Variants in IPP observed in about 807,000 individuals in gnomAD.
The protein encoded by IPP is intracisternal A particle-promoted polypeptide.
A neutral mutation model predicts 64.1 loss-of-function variants in IPP; 41 were observed. That is an observed-to-expected ratio of 0.64 (90% CI 0.50 to 0.83). The LOEUF is 0.83. Ranked by LOEUF, IPP falls within the 40% of genes least tolerant of loss-of-function variation. IPP has a pLI of 0.00. For synonymous variants in IPP, 214 were observed against 235.2 expected, an observed-to-expected ratio of 0.91 and a Z score of 0.83; for missense variants, 649 against 703.0, an observed-to-expected ratio of 0.92 and a Z score of 0.87.
intron 3 of IPP, among the ~76,000 whole-genome samples, chr1:45,738,317 T>A (rs1485658890): frequency 1.3e-5 from 2 of 152,160 alleles, no homozygotes; most frequent in African/African-American, 4.8e-5. Context: ...TGTCATTTTT[T>A]TTTTTGCATT....
rs762267700 is a variant in IPP, at chr1:45,719,268, G to A, written c.1121C>T (p.Ala374Val). 1.7e-5 allele frequency: 28 copies of A among 1,613,336 alleles called. No individual in the cohort carries two copies. Among genetic ancestry groups the A allele is most frequent in the Non-Finnish European group, 2.3e-5 (27 of 1,179,494 alleles). Reference protein sequence around the residue: ...DPVTKQWTTVASMNHPRCGLG... With the variant: ...DPVTKQWTTVVSMNHPRCGLG... The stretch of plus-strand genomic sequence containing the variant: ...GCCGCAGCGGGGATGATTCATCGAA[G>A]CTACAGTTGTCCACTGTTTAGTAAC... Residue 374 changes from alanine to valine, a missense_variant, in exon 6 of 9, where the codon GCT becomes GTT. Transcript: ENST00000396478.
downstream of IPP, chr1:45,697,250 TTTTG>T (rs1645395025): frequency 6.6e-6 from 1 of 152,096 alleles, no homozygotes; most frequent in African/African-American, 2.4e-5. Context: ...ACCAAATATT[TTTTG>T]TTTTATTTTT....
At chr1:45,724,875 C>G (rs1242296646) in intron 5 of IPP, among the ~76,000 whole-genome samples, 1 of 149,736 alleles carries the variant, frequency 6.7e-6, no homozygotes, top group Non-Finnish European at 1.5e-5. Context: ...GCCACCCCGT[C>G]GGGGAGGGAG....
At chr1:45,732,773 T>A (rs570151280) in intron 3 of IPP, among the ~76,000 whole-genome samples, 6 of 152,146 alleles carry the variant, frequency 3.9e-5, no homozygotes, top group African/African-American at 1.4e-4. Flanking sequence ...TTCACACCAT[T>A]CTCCTGCCTC....
chr1:45,733,176 C>T (rs1412505643), intron 3 of IPP, among the ~76,000 whole-genome samples: 1 of 151,618 alleles, frequency 6.6e-6, no homozygotes, highest in African/African-American at 2.4e-5. Flanking sequence ...CCTGTAATCC[C>T]AGCACTTTGG....
chr1:45,746,185 T>A lies in IPP; in HGVS notation c.227A>T (p.Asp76Val), dbSNP rs1379248348. Residue 76 changes from aspartate (D) to valine (V), a missense_variant, in exon 2 of 9, where the codon GAT becomes GTT. Coordinates refer to ENST00000396478, the MANE Select transcript of IPP (RefSeq NM_005897.3). The part of the protein sequence containing the change: ...FTGGMKESSK[D>V]VVPILGIEAG... ...TTCAATTCCTAGAATCGGTACAACA[T>A]CTTTTGAGGACTCTTTCATTCCTCC... 4 of 1,614,148 alleles carry A rather than the reference T, an allele frequency of 2.5e-6. No individual in the cohort carries two copies. The South Asian group carries it at 4.4e-5, about 18-fold the overall frequency.
chr1:45,749,680 C>T (rs1013937294), intron 1 of IPP, among the ~76,000 whole-genome samples: 2 of 151,438 alleles, frequency 1.3e-5, no homozygotes, highest in Non-Finnish European at 2.9e-5. Context: ...GCCACCACGC[C>T]CGGCTAATTT....
At chr1:45,743,244 T>TC (rs1486659110) in intron 2 of IPP, among the ~76,000 whole-genome samples, 1 of 151,604 alleles carries the variant, frequency 6.6e-6, no homozygotes, top group African/African-American at 2.4e-5. Context: ...ATCTTTTTTT[T>TC]TTTTTTTTTC....
intron 3 of IPP, among the ~76,000 whole-genome samples, chr1:45,736,688 G>A (rs1030371597): frequency 2.0e-5 from 3 of 151,862 alleles, no homozygotes; most frequent in Non-Finnish European, 2.9e-5. Flanking sequence ...AAAACACTTC[G>A]GGACTTGAAT....
At chr1:45,747,407 A>C (rs1646153430) in intron 1 of IPP, among the ~76,000 whole-genome samples, 1 of 152,174 alleles carries the variant, frequency 6.6e-6, no homozygotes, top group South Asian at 2.1e-4. Flanking sequence ...TTCCCCAAGG[A>C]TACAATGTTA....
At chr1:45,700,347 T>G (rs947731070) in intron 8 of IPP, among the ~76,000 whole-genome samples, 157 bp from the exon 9 acceptor site, 5 of 152,122 alleles carry the variant, frequency 3.3e-5, no homozygotes, top group Non-Finnish European at 7.3e-5. Context: ...TTTTTTGCTT[T>G]GTTTTTTCCT....
intron 2 of IPP, among the ~76,000 whole-genome samples, chr1:45,745,115 T>A (rs1052097728): frequency 9.2e-5 from 14 of 152,138 alleles, no homozygotes; most frequent in Non-Finnish European, 1.9e-4. Context: ...TCCTGCATAG[T>A]CTTGAGCTCC....
In IPP at chr1:45,736,802, G is replaced by A. The variant is rs548571035; in HGVS notation, c.724+4099C>T. Among the ~76,000 whole-genome samples the A allele has an allele frequency of 3.3e-4, 50 of 152,068 alleles. 1 individual carries two copies. Among genetic ancestry groups the A allele is most frequent in the African/African-American group, 1.2e-3 (48 of 41,510 alleles). On this transcript the variant is annotated intron_variant, in intron 3 of 8. Transcript: ENST00000396478. ...TGACTGTAATCCCAGCACTTTGGGA[G>A]GCCAAGGAGGGTGGATCAAGAGGTC...
At position 45,725,575 on chromosome 1, in the gene IPP, C is replaced by T. The variant is rs1258770562; in HGVS notation, c.1048+2056G>A. ...GAGCCCCTCTGCCCGGCCACGACCC[C>T]GTCTGGGAGGTGTGCCCAGCGGCTC... On this transcript the variant is annotated intron_variant, in intron 5 of 8. Transcript: ENST00000396478. 2.9e-5 allele frequency among the ~76,000 whole-genome samples: 4 copies of T among 137,822 alleles called. No individual in the cohort carries two copies. In the East Asian group the frequency reaches 7.1e-4, roughly 24 times the overall value. The allele number at this position is 137,822 out of a possible 152,430, so 90.4% of individuals were successfully genotyped here.
At chr1:45,729,495 A>G in intron 4 of IPP, 119 bp downstream of exon 4, 1 of 727,852 alleles carries the variant, frequency 1.4e-6, no homozygotes, top group Non-Finnish European at 2.3e-6. Flanking sequence ...GTGAAATTAA[A>G]TATGCCTCTT....
chr1:45,706,919 C>G (rs889348437), intron 8 of IPP, among the ~76,000 whole-genome samples: 1 of 152,040 alleles, frequency 6.6e-6, no homozygotes, highest in Non-Finnish European at 1.5e-5. Flanking sequence ...TGTGGAGAAG[C>G]CAGAAAAAAT....
intron 3 of IPP, among the ~76,000 whole-genome samples, chr1:45,731,630 A>G (rs1645906708): frequency 1.3e-5 from 2 of 152,152 alleles, no homozygotes; most frequent in African/African-American, 2.4e-5. Flanking sequence ...GAAAGAGCAT[A>G]TGCCTTATTA....
chr1:45,740,531 C>T (rs573428055), intron 3 of IPP, among the ~76,000 whole-genome samples: 77 of 152,092 alleles, frequency 5.1e-4, no homozygotes, highest in Middle Eastern at 3.4e-3. Context: ...CCAGACAGGG[C>T]GGCTGGCCGG....
At position 45,700,205 on chromosome 1, in the gene IPP, A is replaced by C. The variant is rs762738883; in HGVS notation, c.1531-15T>G. 1.9e-6 allele frequency: 3 copies of C among 1,592,100 alleles called. No homozygotes were observed. The highest frequency in any genetic ancestry group is 2.6e-6 in the Non-Finnish European group (3 of 1,171,276). ...ACCCACTTTTCCTGGTTAAGAGAGA[A>C]AAAAAAAATATGTTAGCAGTGTTAT... On this transcript the variant is annotated splice_polypyrimidine_tract_variant and intron_variant, in intron 8 of 8. Coordinates refer to ENST00000396478, the MANE Select transcript of IPP (RefSeq NM_005897.3).
Sources: gnomAD v4.1 joint callset for allele counts (sites outside exome capture counted in the v4.1 genomes callset) on GRCh38, gnomAD v4.1.1 for gene constraint, MANE v1.5 for transcripts, NCBI Gene and HGNC (gene_info 2026-07-23, HGNC 2026-07-21) for gene names.